Variants in APELA observed in about 807,000 individuals in gnomAD.
APELA encodes the protein protein Elabela.
chr4:164,878,865 A>G, intron 1 of APELA, 55 bp from the exon 2 acceptor site: 1 of 398,846 alleles, frequency 2.5e-6, no homozygotes, highest in African/African-American at 2.1e-5. Context: ...GTCTAGATTA[A>G]ACAACAATTA....
chr4:164,885,521 G>C (rs1023315297), intron 2 of APELA, among the ~76,000 whole-genome samples: 1 of 151,810 alleles, frequency 6.6e-6, no homozygotes, highest in Non-Finnish European at 1.5e-5. Context: ...TGGGCAGATC[G>C]CTTGAGGTCA....
chr4:164,888,985 A>ATG (rs34497263), intron 2 of APELA, among the ~76,000 whole-genome samples: 29,431 of 151,552 alleles, frequency 0.19, 3,034 homozygotes, highest in African/African-American at 0.25. Flanking sequence ...GTGTGTGTGT[A>ATG]TGTGTGTGTG....
chr4:164,891,181 G>A (rs1157006221), intron 2 of APELA, among the ~76,000 whole-genome samples: 1 of 151,968 alleles, frequency 6.6e-6, no homozygotes, highest in Non-Finnish European at 1.5e-5. Flanking sequence ...CCATTCTGTG[G>A]ATGTCTTTTT....
chr4:164,887,855 A>T (rs914401919), intron 2 of APELA, among the ~76,000 whole-genome samples: 1 of 152,170 alleles, frequency 6.6e-6, no homozygotes, highest in Non-Finnish European at 1.5e-5. Flanking sequence ...CAGGTGATCC[A>T]TCTGCCTCGG....
chr4:164,884,107 AAG>A (rs777519508), intron 2 of APELA, among the ~76,000 whole-genome samples: 2 of 41,824 alleles, frequency 4.8e-5, no homozygotes, highest in African/African-American at 2.0e-4. Flanking sequence ...GAAAGAATGA[AAG>A]AAAGAAAGAA....
chr4:164,881,825 A>G (rs1259413713), intron 2 of APELA, among the ~76,000 whole-genome samples: 1 of 151,678 alleles, frequency 6.6e-6, no homozygotes, highest in Non-Finnish European at 1.5e-5. Flanking sequence ...GCTTGAGTGC[A>G]GGAGTTCAAG....
chr4:164,881,008 C>A (rs969989146), intron 2 of APELA, among the ~76,000 whole-genome samples: 3 of 152,168 alleles, frequency 2.0e-5, no homozygotes, highest in African/African-American at 7.2e-5. Context: ...TAAAAGTCAC[C>A]TGTTGGAATC....
intron 2 of APELA, among the ~76,000 whole-genome samples, chr4:164,891,198 T>C (rs1203089398): frequency 6.6e-6 from 1 of 152,134 alleles, no homozygotes; most frequent in East Asian, 1.9e-4. Context: ...TTTTTTGGTG[T>C]TGTCCTTGGA....
chr4:164,897,973 C>G (rs1731010103), downstream of APELA, among the ~76,000 whole-genome samples: 1 of 152,160 alleles, frequency 6.6e-6, no homozygotes, highest in African/African-American at 2.4e-5. Context: ...TCACTGCAAA[C>G]TCCATCTCCC....
At chr4:164,880,979 C>G (rs976351619) in intron 2 of APELA, among the ~76,000 whole-genome samples, 1 of 152,162 alleles carries the variant, frequency 6.6e-6, no homozygotes, top group Non-Finnish European at 1.5e-5. Flanking sequence ...ATTTCAGCTA[C>G]TGTTCTTTGA....
intron 2 of APELA, among the ~76,000 whole-genome samples, chr4:164,882,138 A>T (rs114352798): frequency 0.02 from 3,052 of 151,786 alleles, 93 homozygotes; most frequent in African/African-American, 0.07. Flanking sequence ...GTTTTCACTC[A>T]TGTTGCCCAG....
chr4:164,879,061 G>A (rs112417859), intron 2 of APELA, 52 bp downstream of exon 2: 24 of 398,594 alleles, frequency 6.0e-5, no homozygotes, highest in African/African-American at 3.9e-4. Context: ...TTCCAAATTA[G>A]ATATACCAGG....
chr4:164,892,474 G>T (rs574535354), intron 2 of APELA, among the ~76,000 whole-genome samples: 2 of 152,058 alleles, frequency 1.3e-5, no homozygotes, highest in East Asian at 3.9e-4. Context: ...TTGTATTTCC[G>T]AGGTAAATCC....
chr4:164,884,121 G>GAAAGAAAGAAAGAAACAA (rs5863729), intron 2 of APELA, among the ~76,000 whole-genome samples: 1 of 113,378 alleles, frequency 8.8e-6, no homozygotes, highest in African/African-American at 3.7e-5. Context: ...AAGAAAGAAA[G>GAAAGAAAGAAAGAAACAA]AGAAAGAAAG....
chr4:164,898,184 C>T (rs1436491438), downstream of APELA, among the ~76,000 whole-genome samples: 1 of 151,912 alleles, frequency 6.6e-6, no homozygotes, highest in Non-Finnish European at 1.5e-5. Context: ...AGCCACTGCA[C>T]CCAGCCTAAT....
chr4:164,885,521 G>A (rs1023315297), intron 2 of APELA, among the ~76,000 whole-genome samples: 5 of 151,810 alleles, frequency 3.3e-5, no homozygotes, highest in Admixed American at 2.0e-4. Context: ...TGGGCAGATC[G>A]CTTGAGGTCA....
intron 2 of APELA, among the ~76,000 whole-genome samples, chr4:164,884,698 G>A (rs1475372707): frequency 6.6e-6 from 1 of 151,992 alleles, no homozygotes; most frequent in Non-Finnish European, 1.5e-5. Flanking sequence ...TTCCAGATCT[G>A]TAAGATGGAA....
intron 2 of APELA, among the ~76,000 whole-genome samples, chr4:164,879,957 A>G (rs1447108889): frequency 6.6e-6 from 1 of 152,318 alleles, no homozygotes. Context: ...ATGTTAGACC[A>G]CCACAATTAC....
At chr4:164,894,332 T>C (rs546282943) in intron 2 of APELA, among the ~76,000 whole-genome samples, 1 of 148,270 alleles carries the variant, frequency 6.7e-6, no homozygotes, top group Non-Finnish European at 1.5e-5. Flanking sequence ...GTAAGTTTGA[T>C]AAGCAAAAAA....
Sources: allele counts gnomAD v4.1 joint callset (sites outside exome capture counted in the v4.1 genomes callset), GRCh38; gene constraint gnomAD v4.1.1; transcripts MANE v1.5; gene names NCBI Gene and HGNC (gene_info 2026-07-23, HGNC 2026-07-21).